LAMA4: variants seen among roughly 807,000 people sequenced by gnomAD.
The protein encoded by LAMA4 is laminin subunit alpha-4.
Under a neutral mutation model 207.1 loss-of-function variants are expected in LAMA4, and 127 were observed. The ratio of observed to expected loss-of-function variants is 0.61; its 90% CI spans 0.53 to 0.71. The LOEUF (loss-of-function observed/expected upper bound fraction) is 0.71, where lower values mean the gene tolerates loss of function less well. Among genes scored for constraint, LAMA4 ranks in the 30% least tolerant of loss-of-function variants. The pLI is 0.00. For synonymous variants in LAMA4, 761 were observed against 816.0 expected (o/e 0.93, Z 1.15); for missense variants, 2,093 against 2,246.5 (o/e 0.93, Z 1.38).
rs1778279709 is a variant in LAMA4, at chr6:112,120,382, T to C, written c.4566A>G (p.Leu1522=). The part of the protein sequence containing the change: ...SDQEENDFMT[L]FLAHGRLVYM... ...AAACCAAGCGGCCATGGGCCAAAAA[T>C]AGAGTCATGAAGTCATTCTCTTCTT... Residue 1522 remains leucine (L), a synonymous_variant, in exon 33 of 39, where the codon CTA becomes CTG. Transcript: ENST00000230538. The C allele has an allele frequency of 8.7e-6, 14 of 1,613,840 alleles. No individual in the cohort carries two copies. The highest frequency in any genetic ancestry group is 1.3e-5 in the African/African-American group (1 of 74,926).
chr6:112,203,199 C>A (rs1196928023), intron 4 of LAMA4, among the ~76,000 whole-genome samples: 4 of 152,104 alleles, frequency 2.6e-5, no homozygotes, highest in Non-Finnish European at 5.9e-5. Context: ...CTCTCTCAGC[C>A]CACTGTAACC....
intron 33 of LAMA4, 51 bp from the exon 34 acceptor site, chr6:112,119,362 A>G (rs1778213473): frequency 6.3e-7 from 1 of 1,590,530 alleles, no homozygotes; most frequent in South Asian, 1.1e-5. Flanking sequence ...CCAAGATTGC[A>G]GAAAAGGCTG....
intron 16 of LAMA4, among the ~76,000 whole-genome samples, chr6:112,154,378 A>G (rs1554336412): frequency 6.7e-6 from 1 of 149,846 alleles, no homozygotes; most frequent in African/African-American, 2.4e-5. Context: ...AAAAAAAAGA[A>G]AAGCAAATAA....
intron 35 of LAMA4, 85 bp from the exon 36 acceptor site, chr6:112,116,078 T>G (rs1312706823): frequency 1.3e-5 from 18 of 1,364,706 alleles, no homozygotes; most frequent in Non-Finnish European, 1.7e-5. Flanking sequence ...TATATATTTT[T>G]ATCTGTTTTT....
chr6:112,130,437 G>A lies in LAMA4; in HGVS notation c.3969-397C>T, dbSNP rs936650253. Among the ~76,000 whole-genome samples, 8 of 151,834 alleles carry A rather than the reference G, an allele frequency of 5.3e-5. No individual in the cohort carries two copies. In the South Asian group the frequency reaches 1.2e-3, roughly 24 times the overall value. ...GATTATTTTGATCCTTACTGGAAGT[G>A]GGGCCCAGAAAAAGCCTACTCATGT... On this transcript the variant is annotated intron_variant, in intron 29 of 38. Transcript: ENST00000230538.
At chr6:112,144,764 G>C in intron 19 of LAMA4, 30 bp downstream of exon 19, 1 of 1,610,716 alleles carries the variant, frequency 6.2e-7, no homozygotes, top group Non-Finnish European at 8.5e-7. Flanking sequence ...TATTACCGCT[G>C]ACTGACTGAT....
At position 112,185,381 on chromosome 6, in the gene LAMA4, G is replaced by T. The variant is rs6908219; in HGVS notation, c.967-34C>A. The T allele has an allele frequency of 0.75, 893,818 of 1,185,648 alleles. 342,971 individuals are homozygous for T. The highest frequency in any genetic ancestry group is 0.99 in the East Asian group (42,632 of 42,940). The allele number at this position is 1,185,648 out of a possible 1,614,324, so 73.4% of individuals were successfully genotyped here. A position where few individuals can be genotyped will look rare whatever the true frequency, so the allele number is the denominator to read the frequency against. ...GAATGTGTTTTGAGAATAGTCAATGGGCACACCAGGTTTTAAAAAATGTAC... is the reference window on the plus strand; with the variant it reads ...GAATGTGTTTTGAGAATAGTCAATGTGCACACCAGGTTTTAAAAAATGTAC... On this transcript the variant is annotated intron_variant, in intron 8 of 38. Coordinates refer to ENST00000230538, the MANE Select transcript of LAMA4 (RefSeq NM_001105206.3).
intron 9 of LAMA4, among the ~76,000 whole-genome samples, chr6:112,181,112 T>C (rs1222137363): frequency 6.6e-6 from 1 of 152,168 alleles, no homozygotes; most frequent in East Asian, 1.9e-4. Flanking sequence ...CACTCTGGCC[T>C]CTCTTCCTCT....
chr6:112,175,579 C>A, intron 10 of LAMA4, 99 bp from the exon 11 acceptor site: 1 of 1,183,326 alleles, frequency 8.5e-7, no homozygotes, highest in Non-Finnish European at 1.3e-6. Context: ...CAGGGCTGAT[C>A]CTGAAATGGA....
At chr6:112,241,201 G>GAAT (rs72221670) in intron 2 of LAMA4, among the ~76,000 whole-genome samples, 4 of 59,404 alleles carry the variant, frequency 6.7e-5, no homozygotes, top group African/African-American at 1.8e-4. Flanking sequence ...GAATATATAT[G>GAAT]ATATATATGA....
rs1554335529 is a variant in LAMA4 at position 112,150,522 on chromosome 6, G to T, written c.2162C>A (p.Ala721Glu). The T allele has an allele frequency of 6.2e-7, 1 of 1,605,870 alleles. No homozygotes were observed. The highest frequency in any genetic ancestry group is 8.5e-7 in the Non-Finnish European group (1 of 1,172,510). ...RLSDAVKQLQ[A>E]AERGDAQQRL... ...TCTCTGATGCTTACCTCTCTCTGCT[G>T]CTTGTAGTTGCTTAACGGCATCACT... Residue 721 changes from alanine to glutamate, a missense_variant, in exon 17 of 39, where the codon GCA (alanine) becomes GAA (glutamate). This residue lies in a region of LAMA4 where 1,704 missense variants were observed against 1,788.4 expected (regional missense o/e 0.95). Transcript: ENST00000230538.
intron 2 of LAMA4, among the ~76,000 whole-genome samples, chr6:112,248,758 C>T (rs1471971913): frequency 6.6e-6 from 1 of 151,518 alleles, no homozygotes; most frequent in African/African-American, 2.4e-5. Context: ...GAGGACACAC[C>T]CTAGAATATC....
At chr6:112,239,504 A>G (rs1469751058) in intron 2 of LAMA4, among the ~76,000 whole-genome samples, 12 of 152,296 alleles carry the variant, frequency 7.9e-5, no homozygotes, top group East Asian at 5.8e-4. Context: ...ATGCCTGCAC[A>G]TTAAAAGTTG....
At position 112,155,866 on chromosome 6, in the gene LAMA4, C is replaced by G. The variant is rs1478689107; in HGVS notation, c.1818-160G>C. On this transcript the variant is annotated intron_variant, in intron 14 of 38. Transcript: ENST00000230538. ...AAGGTTTTCTTGAGGGTCACACCTC[C>G]TCTGCATTCTTCTGTCTTTGCTGAA... is the stretch of plus-strand genomic sequence containing the variant. 3 of 761,778 alleles carry G rather than the reference C, an allele frequency of 3.9e-6. No homozygotes were observed. In the East Asian group the frequency reaches 7.8e-5, roughly 20 times the overall value. 47.2% of individuals were successfully genotyped at this position (761,778 alleles called of 1,614,324 possible).
intron 2 of LAMA4, among the ~76,000 whole-genome samples, chr6:112,241,545 G>A (rs1554187764): frequency 6.6e-6 from 1 of 152,096 alleles, no homozygotes; most frequent in Non-Finnish European, 1.5e-5. Context: ...CTATGACCAT[G>A]AGTTACTTAA....
rs1778135762 is a variant in LAMA4, at chr6:112,118,176, T to G, written c.4822-278A>C. On this transcript the variant is annotated intron_variant, in intron 34 of 38. Transcript: ENST00000230538. This position sits in a 1 kb window ranked among gnomAD's most constrained non-coding sequence, Gnocchi z 4.6. ...TAAGTTGCAGCTGTGGTTTTCAAAC[T>G]GCATATTTAGAAGTATCCTAGTTTT... is the stretch of plus-strand genomic sequence containing the variant. Among the ~76,000 whole-genome samples, 1 of 152,242 alleles carries G rather than the reference T, an allele frequency of 6.6e-6. No homozygotes were observed.
intron 5 of LAMA4, among the ~76,000 whole-genome samples, chr6:112,192,969 T>C (rs1334597003): frequency 6.6e-6 from 1 of 152,226 alleles, no homozygotes; most frequent in African/African-American, 2.4e-5. Flanking sequence ...AATTGCAATT[T>C]TTAAAAGTTG....
chr6:112,251,260 G>T (rs551620609), intron 2 of LAMA4: 2 of 152,210 alleles, frequency 1.3e-5, no homozygotes, highest in African/African-American at 4.8e-5. Context: ...CTTTTATTCC[G>T]TGCATATTTC....
intron 6 of LAMA4, among the ~76,000 whole-genome samples, chr6:112,190,947 C>CTTTCTTTCCTTT (rs1491586717): frequency 4.7e-4 from 19 of 40,510 alleles, no homozygotes; most frequent in African/African-American, 1.4e-3. Flanking sequence ...TTCTTTCTTT[C>CTTTCTTTCCTTT]CTTTCTTTCT....
Sources: allele counts gnomAD v4.1 joint callset (sites outside exome capture counted in the v4.1 genomes callset), GRCh38; gene constraint gnomAD v4.1.1; regional missense constraint gnomAD v4.1.1; non-coding constraint Gnocchi (gnomAD v3.1); transcripts MANE v1.5; gene names NCBI Gene and HGNC (gene_info 2026-07-23, HGNC 2026-07-21).